Variants in FHDC1 observed in about 807,000 individuals in gnomAD.
The protein encoded by FHDC1 is FH2 domain containing 1.
Under a neutral mutation model 52.6 loss-of-function variants are expected in FHDC1, and 25 were observed. That is an observed-to-expected ratio of 0.48 (90% CI 0.35 to 0.66). The LOEUF is 0.66. Ranked by LOEUF, FHDC1 falls within the 30% of genes least tolerant of loss-of-function variation. The pLI, the probability that FHDC1 is intolerant of heterozygous loss-of-function variation, is 0.01. For synonymous variants in FHDC1, 616 were observed against 581.5 expected (o/e 1.06, Z -0.85); for missense variants, 1,459 against 1,452.8 (o/e 1.00, Z -0.07).
chr4:152,955,033 C>A (rs1248382604), intron 4 of FHDC1, among the ~76,000 whole-genome samples: 1 of 152,008 alleles, frequency 6.6e-6, no homozygotes, highest in African/African-American at 2.4e-5. Flanking sequence ...AACAGGATTC[C>A]TTTTCTATCA....
chr4:152,954,228 C>G lies in FHDC1; in HGVS notation c.572C>G (p.Ser191Cys), dbSNP rs553440466. 6.2e-7 allele frequency: 1 copy of G among 1,613,612 alleles called. No homozygotes were observed. Among genetic ancestry groups the G allele is most frequent in the Admixed American group, 1.7e-5 (1 of 60,006 alleles). ...ATTGTCTTTTCAAGGTCTCCTCGGTCCATTGTAGAAGATATTCATCAAGGA... is the reference window on the plus strand; with the variant it reads ...ATTGTCTTTTCAAGGTCTCCTCGGTGCATTGTAGAAGATATTCATCAAGGA... ...FLKQFKKSPRSIVEDIHQGKS... is the reference protein window; with the variant it reads ...FLKQFKKSPRCIVEDIHQGKS... Residue 191 changes from serine to cysteine, a missense_variant, in exon 4 of 12, where the codon TCC (serine) becomes TGC (cysteine). Ser to Cys is a moderately radical substitution (Grantham distance 112, BLOSUM62 -1). Around this residue, in one of 3 missense-constraint regions of FHDC1, gnomAD observed 513 missense variants for 581.5 expected, o/e 0.88. Transcript: ENST00000511601.
At chr4:152,937,307 T>C (rs1739413077) in intron 1 of FHDC1, among the ~76,000 whole-genome samples, 1 of 151,864 alleles carries the variant, frequency 6.6e-6, no homozygotes, top group African/African-American at 2.4e-5. Context: ...GCAGACCCGG[T>C]GTCTGCGAGC....
At chr4:152,942,813 C>CGTA in intron 1 of FHDC1, 115 bp from the exon 2 acceptor site, 3 of 446,394 alleles carry the variant, frequency 6.7e-6, no homozygotes, top group Admixed American at 7.8e-5. Flanking sequence ...TGTGTTGCCC[C>CGTA]TCATTGATTT....
chr4:152,976,637 A>G lies in FHDC1; in HGVS notation c.3346A>G (p.Arg1116Gly). The part of the protein sequence containing the change: ...SANTEAPLKA[R>G]GAGERASLRR... ...CAACACGGAGGCCCCTCTGAAGGCC[A>G]GAGGGGCTGGGGAAAGGGCCTCCCT... is the stretch of plus-strand genomic sequence containing the variant. The change falls in exon 12 of 12, where the codon AGA becomes GGA. Residue 1116 changes from arginine to glycine, a missense_variant. Physicochemically the swap from Arg to Gly is moderately radical, Grantham distance 125. Coordinates refer to ENST00000511601, the MANE Select transcript of FHDC1 (RefSeq NM_001371116.1). 1.2e-6 allele frequency: 2 copies of G among 1,603,372 alleles called. No individual in the cohort carries two copies. The highest frequency in any genetic ancestry group is 1.7e-6 in the Non-Finnish European group (2 of 1,174,666).
the FHDC1 span, among the ~76,000 whole-genome samples, chr4:152,925,870 GAGGAGA>G: frequency 1.5e-3 from 81 of 55,860 alleles, no homozygotes; most frequent in Admixed American, 2.8e-3. Flanking sequence ...GGAGAAGAAG[GAGGAGA>G]AGGAGGAGGA....
intron 2 of FHDC1, among the ~76,000 whole-genome samples, chr4:152,945,916 G>A (rs1345130892): frequency 6.6e-6 from 1 of 152,144 alleles, no homozygotes; most frequent in Non-Finnish European, 1.5e-5. Context: ...CCCCTGGCAG[G>A]CACCATTCTA....
chr4:152,961,535 A>G (rs1351862461), intron 6 of FHDC1, among the ~76,000 whole-genome samples: 1 of 152,170 alleles, frequency 6.6e-6, no homozygotes, highest in Non-Finnish European at 1.5e-5. Flanking sequence ...GCATCTTGGC[A>G]CTGAGAATCC....
intron 4 of FHDC1, 30 bp from the exon 5 acceptor site, chr4:152,960,535 A>G: frequency 6.4e-7 from 1 of 1,558,500 alleles, no homozygotes; most frequent in Non-Finnish European, 8.8e-7. Flanking sequence ...AAGTGATTTT[A>G]TATACCCCCC....
chr4:152,972,066 G>A (rs1036904449), intron 10 of FHDC1, among the ~76,000 whole-genome samples: 1 of 152,200 alleles, frequency 6.6e-6, no homozygotes, highest in African/African-American at 2.4e-5. Flanking sequence ...TTGTATACCT[G>A]TGTAATTTTT....
intron 5 of FHDC1, 42 bp from the exon 6 acceptor site, chr4:152,960,702 T>C: frequency 6.2e-7 from 1 of 1,610,802 alleles, no homozygotes; most frequent in South Asian, 1.1e-5. Flanking sequence ...ATTTTTAAAC[T>C]AATGACATCA....
chr4:152,974,200 G>A (rs891467957), intron 11 of FHDC1, among the ~76,000 whole-genome samples: 35 of 152,300 alleles, frequency 2.3e-4, no homozygotes, highest in African/African-American at 7.9e-4. Context: ...TTTGAGGCTC[G>A]CTCTTTAAAT....
intron 10 of FHDC1, among the ~76,000 whole-genome samples, chr4:152,968,907 A>G (rs967059688): frequency 3.9e-5 from 6 of 152,168 alleles, no homozygotes; most frequent in Admixed American, 3.3e-4. Context: ...TTTTATAATG[A>G]GAGCAGCAGA....
At position 152,976,168 on chromosome 4, in the gene FHDC1, G is replaced by A. The variant is rs1181633522; in HGVS notation, c.2877G>A (p.Arg959=). 8.7e-6 allele frequency: 14 copies of A among 1,612,116 alleles called. No individual in the cohort carries two copies. The highest frequency in any genetic ancestry group is 1.2e-5 in the Non-Finnish European group (14 of 1,179,564). Residue 959 remains arginine (R), a synonymous_variant, in exon 12 of 12, where the codon CGG becomes CGA. Transcript: ENST00000511601. ...GCGCCGAAGAGCAGAGGCTGCCGCGGGGGAGCAGCGGCTCCAGCAGCACCC... is the reference window on the plus strand; with the variant it reads ...GCGCCGAAGAGCAGAGGCTGCCGCGAGGGAGCAGCGGCTCCAGCAGCACCC... The part of the protein sequence containing the change: ...STGAEEQRLP[R]GSSGSSSTRP...
At chr4:152,969,529 A>AT (rs1740569220) in intron 10 of FHDC1, among the ~76,000 whole-genome samples, 1 of 152,224 alleles carries the variant, frequency 6.6e-6, no homozygotes, top group African/African-American at 2.4e-5. Context: ...CCAAGTTCTC[A>AT]TATTAACTAT....
chr4:152,960,078 G>A (rs544147819), intron 4 of FHDC1, among the ~76,000 whole-genome samples: 86 of 152,166 alleles, frequency 5.7e-4, no homozygotes, highest in Non-Finnish European at 1.1e-3. Flanking sequence ...GAAAATCTGT[G>A]TTAGATCTTA....
chr4:152,960,744 C>T lies in FHDC1; in HGVS notation c.750C>T (p.Asn250=), dbSNP rs1317070116. Residue 250 remains asparagine (N), a splice_region_variant and synonymous_variant, in exon 6 of 12, where the codon AAC becomes AAT. Coordinates refer to ENST00000511601, the MANE Select transcript of FHDC1 (RefSeq NM_001371116.1). ...ACAGTTTTACTTTTTTATTTTTCAG[C>T]TATTCACTTCGGATTGAAGCCATGG... ...SFLYGLIQVP[N]YSLRIEAMVL... 2.5e-6 allele frequency: 4 copies of T among 1,612,694 alleles called. No individual in the cohort carries two copies. Among genetic ancestry groups the T allele is most frequent in the Non-Finnish European group, 3.4e-6 (4 of 1,179,644 alleles).
Position 152,976,235 on chromosome 4 carries a change from A to AAG in FHDC1, c.2946_2947dup (p.Lys983ArgfsTer66). ...TCCCCTGCAGCCCAGGGGTTCTTTC[A>AAG]AGAAGCCCAGTGCCAAACCACTCAG... On this transcript the variant is annotated frameshift_variant, in exon 12 of 12. Transcript: ENST00000511601. LOFTEE classifies it low-confidence loss of function (END_TRUNC). The AAG allele has an allele frequency of 6.2e-7, 1 of 1,613,122 alleles. No homozygotes were observed. Among genetic ancestry groups the AAG allele is most frequent in the Non-Finnish European group, 8.5e-7 (1 of 1,179,892 alleles).
rs775631281 is a variant in FHDC1 at position 152,976,684 on chromosome 4, G to A, written c.3393G>A (p.Arg1131=). 2.3e-5 allele frequency: 36 copies of A among 1,534,638 alleles called. No individual in the cohort carries two copies. The highest frequency in any genetic ancestry group is 3.2e-5 in the Non-Finnish European group (36 of 1,141,054). ...RASLRRKDSS[R]TTLGRILNPL... is the part of the protein sequence containing the mutation. ...CCCTCCGTCGGAAGGACTCCAGTCG[G>A]ACCACGCTGGGGAGAATCCTCAATC... Residue 1131 remains arginine, a synonymous_variant, in exon 12 of 12, where the codon CGG becomes CGA. Transcript: ENST00000511601.
the FHDC1 span, chr4:152,927,789 A>G: frequency 7.0e-7 from 1 of 1,418,618 alleles, no homozygotes; most frequent in African/African-American, 1.4e-5. Flanking sequence ...CTGAAGGAAT[A>G]CAGAAATAAC....
Sources: allele counts gnomAD v4.1 joint callset (sites outside exome capture counted in the v4.1 genomes callset), GRCh38; gene constraint gnomAD v4.1.1; regional missense constraint gnomAD v4.1.1; transcripts MANE v1.5; gene names NCBI Gene and HGNC (gene_info 2026-07-23, HGNC 2026-07-21).